The following FAM89A variants were observed in gnomAD, a reference collection of about 807,000 sequenced individuals.
The protein encoded by FAM89A is protein FAM89A.
Under a neutral mutation model 7.1 loss-of-function variants are expected in FAM89A, and 10 were observed. That is an observed-to-expected ratio of 1.40 (90% CI 0.86 to 2.38). The LOEUF is 2.38. Among genes scored for constraint, FAM89A ranks in the 30% most tolerant of loss-of-function variants. The pLI, the probability that FAM89A is intolerant of heterozygous loss-of-function variation, is 0.00. For synonymous variants in FAM89A, 157 were observed against 129.3 expected, an observed-to-expected ratio of 1.21 and a Z score of -1.45; for missense variants, 276 against 262.8, an observed-to-expected ratio of 1.05 and a Z score of -0.35.
At chr1:231,025,008 T>C (rs1383466044) in intron 1 of FAM89A, among the ~76,000 whole-genome samples, 4 of 145,652 alleles carry the variant, frequency 2.7e-5, no homozygotes, top group African/African-American at 1.0e-4. Flanking sequence ...CTGCAAGCTC[T>C]GCCTCCTGGG....
intron 1 of FAM89A, among the ~76,000 whole-genome samples, chr1:231,020,858 C>T (rs1016127175): frequency 1.3e-5 from 2 of 152,216 alleles, no homozygotes; most frequent in Non-Finnish European, 2.9e-5. Flanking sequence ...ACTTGTTTAT[C>T]TTCCAGTTCC....
At chr1:231,020,193 C>G in intron 1 of FAM89A, 67 bp from the exon 2 acceptor site, 1 of 1,476,086 alleles carries the variant, frequency 6.8e-7, no homozygotes, top group South Asian at 1.3e-5. Context: ...CAGTGGAACA[C>G]TCAGCCGGCG....
chr1:231,036,541 G>A (rs1680157429), intron 1 of FAM89A, among the ~76,000 whole-genome samples: 1 of 152,060 alleles, frequency 6.6e-6, no homozygotes, highest in South Asian at 2.1e-4. Context: ...CTTACGAGTA[G>A]TGCAGAATTT....
At chr1:231,026,388 C>G (rs901424232) in intron 1 of FAM89A, 1 of 152,194 alleles carries the variant, frequency 6.6e-6, no homozygotes, top group African/African-American at 2.4e-5. Flanking sequence ...CTTGGGATAT[C>G]TTACCTCAAA....
chr1:231,039,870 G>T (rs995326618), intron 1 of FAM89A, 51 bp downstream of exon 1: 9 of 1,273,850 alleles, frequency 7.1e-6, no homozygotes, highest in African/African-American at 1.6e-5. Context: ...GAACTTTCCC[G>T]GGACGGCGAG....
chr1:231,019,881 C>A lies in FAM89A; in HGVS notation c.537G>T (p.Trp179Cys). The A allele has an allele frequency of 6.2e-7, 1 of 1,614,092 alleles. No individual in the cohort carries two copies. Among genetic ancestry groups the A allele is most frequent in the South Asian group, 1.1e-5 (1 of 91,074 alleles). ...AGACCCTCTAGATGGACTCCAGAAT[C>A]CAGTCGCTGCTGGAGAGGGAGGAGA... ...LPVSSLSSSD[W>C]ILESI Residue 179 changes from tryptophan to cysteine, a missense_variant, in exon 2 of 2, where the codon TGG becomes TGT. Physicochemically the swap from Trp to Cys is radical, Grantham distance 215. Coordinates refer to ENST00000366654, the MANE Select transcript of FAM89A (RefSeq NM_198552.3).
At chr1:231,020,256 C>T in intron 1 of FAM89A, 130 bp from the exon 2 acceptor site, 2 of 984,866 alleles carry the variant, frequency 2.0e-6, no homozygotes, top group East Asian at 2.6e-5. Context: ...CAGAGCATCA[C>T]TCGGATGCTT....
intron 1 of FAM89A, among the ~76,000 whole-genome samples, chr1:231,021,438 C>A (rs1425158412): frequency 6.6e-6 from 1 of 152,330 alleles, no homozygotes; most frequent in Non-Finnish European, 1.5e-5. Flanking sequence ...CGCCTGCAGA[C>A]CTAACTAGCT....
intron 1 of FAM89A, among the ~76,000 whole-genome samples, chr1:231,034,468 G>A (rs141276259): frequency 3.2e-4 from 48 of 151,888 alleles, no homozygotes; most frequent in Admixed American, 3.9e-4. Context: ...AGTCTTAAAC[G>A]GCTTGTTAAA....
intron 1 of FAM89A, among the ~76,000 whole-genome samples, chr1:231,039,686 G>C (rs1219858734): frequency 6.6e-6 from 1 of 152,174 alleles, no homozygotes; most frequent in Non-Finnish European, 1.5e-5. Flanking sequence ...TGAGGGCGCC[G>C]GGCATAAGAA....
At position 231,040,195 on chromosome 1, in the gene FAM89A, G is replaced by T; in HGVS notation, c.17C>A (p.Ala6Glu). 1 of 1,101,788 alleles carries T rather than the reference G, an allele frequency of 9.1e-7. No homozygotes were observed. Among genetic ancestry groups the T allele is most frequent in the Non-Finnish European group, 1.1e-6 (1 of 907,902 alleles). 68.3% of individuals were successfully genotyped at this position (1,101,788 alleles called of 1,614,324 possible). The change falls in exon 1 of 2, where the codon GCG (alanine) becomes GAG (glutamate). Residue 6 changes from alanine (A) to glutamate (E), a missense_variant. Transcript: ENST00000366654. ...GCCGTTGCCCGCGGCCCCGGGCGCC[G>T]CCCGGGCCCCACTCATCGCGCCGCG... MSGARAAPGAAGNGAV... is the reference protein window; with the variant it reads MSGAREAPGAAGNGAV...
chr1:231,032,398 C>T (rs879863309), intron 1 of FAM89A, among the ~76,000 whole-genome samples: 19 of 131,220 alleles, frequency 1.4e-4, no homozygotes, highest in African/African-American at 5.3e-4. Flanking sequence ...CCCCACCCCC[C>T]ACCCCCAGCA....
chr1:231,021,759 C>A (rs1299321672), intron 1 of FAM89A: 1 of 1,602,482 alleles, frequency 6.2e-7, no homozygotes, highest in Non-Finnish European at 8.5e-7. Flanking sequence ...GTTGACCTCA[C>A]TTGTGAATCT....
At position 231,033,919 on chromosome 1, in the gene FAM89A, C is replaced by T. The variant is rs149366859; in HGVS notation, c.291+6002G>A. Among the ~76,000 whole-genome samples the T allele has an allele frequency of 5.7e-3, 870 of 152,254 alleles. 6 individuals carry two copies. Among genetic ancestry groups the T allele is most frequent in the African/African-American group, 0.019 (781 of 41,546 alleles). The stretch of plus-strand genomic sequence containing the variant: ...ACTGCCCTTACTGTCCCCCACCCCA[C>T]ACCAAAGACATGGGCATGCTTTCAT... On this transcript the variant is annotated intron_variant, in intron 1 of 1. Transcript: ENST00000366654.
Position 231,021,903 on chromosome 1 carries a change from AGTT to A in FAM89A, c.292-1780_292-1778del. The A allele has an allele frequency of 3.9e-6, 6 of 1,554,872 alleles. No homozygotes were observed. The South Asian group carries it at 4.5e-5, about 12-fold the overall frequency. On this transcript the variant is annotated intron_variant, in intron 1 of 1. Coordinates refer to ENST00000366654, the MANE Select transcript of FAM89A (RefSeq NM_198552.3). Reference sequence around the variant, plus strand: ...AGCTGCATGGTGAGCAGTGACGATGAGTTGTTGTCCAGGGACAGAGACGTGTAT... The same window carrying A: ...AGCTGCATGGTGAGCAGTGACGATGAGTTGTCCAGGGACAGAGACGTGTAT...
intron 1 of FAM89A, among the ~76,000 whole-genome samples, chr1:231,031,977 C>G (rs1680077741): frequency 6.6e-6 from 1 of 152,166 alleles, no homozygotes; most frequent in African/African-American, 2.4e-5. Context: ...CCCAAGGCGC[C>G]TTTCCAATCC....
In FAM89A at chr1:231,040,191, C is replaced by T. The variant is rs1462404425; in HGVS notation, c.21G>A (p.Ala7=). The part of the protein sequence containing the change: MSGARA[A]PGAAGNGAVR... ...CCGCGCCGTTGCCCGCGGCCCCGGG[C>T]GCCGCCCGGGCCCCACTCATCGCGC... The change falls in exon 1 of 2, where the codon GCG becomes GCA. Residue 7 remains alanine, a synonymous_variant. Coordinates refer to ENST00000366654, the MANE Select transcript of FAM89A (RefSeq NM_198552.3). The T allele has an allele frequency of 2.7e-6, 3 of 1,109,120 alleles. No homozygotes were observed. The highest frequency in any genetic ancestry group is 5.1e-5 in the Admixed American group (1 of 19,680). The allele number at this position is 1,109,120 out of a possible 1,614,324, so 68.7% of individuals were successfully genotyped here. A position where few individuals can be genotyped will look rare whatever the true frequency, so the allele number is the denominator to read the frequency against.
At chr1:231,021,385 C>T (rs1488259104) in intron 1 of FAM89A, among the ~76,000 whole-genome samples, 1 of 150,094 alleles carries the variant, frequency 6.7e-6, no homozygotes, top group Admixed American at 6.8e-5. Context: ...CTCTCCTGGG[C>T]GGCTGGAGAA....
chr1:231,027,858 C>T (rs1360264306), intron 1 of FAM89A, among the ~76,000 whole-genome samples: 1 of 152,266 alleles, frequency 6.6e-6, no homozygotes, highest in East Asian at 1.9e-4. Context: ...GTGATTGGTT[C>T]AGCCAGTGTT....
Sources: gnomAD v4.1 joint callset for allele counts (sites outside exome capture counted in the v4.1 genomes callset) on GRCh38, gnomAD v4.1.1 for gene constraint, MANE v1.5 for transcripts, NCBI Gene and HGNC (gene_info 2026-07-23, HGNC 2026-07-21) for gene names.